Variants in GALNT2 observed in about 807,000 individuals in gnomAD.
The protein encoded by GALNT2 is polypeptide N-acetylgalactosaminyltransferase 2, also known as UDP-GalNAc:polypeptide N-acetylgalactosaminyltransferase 2.
Under a neutral mutation model 81.4 loss-of-function variants are expected in GALNT2, and 31 were observed. The ratio of observed to expected loss-of-function variants is 0.38; its 90% CI spans 0.29 to 0.51. The LOEUF (loss-of-function observed/expected upper bound fraction) is 0.51, where lower values mean the gene tolerates loss of function less well. Among genes scored for constraint, GALNT2 ranks in the 20% least tolerant of loss-of-function variants. The pLI is 0.87. For missense variants in GALNT2, 629 were observed against 765.7 expected, an observed-to-expected ratio of 0.82 and a Z score of 2.11; for synonymous variants, 303 against 287.4, an observed-to-expected ratio of 1.05 and a Z score of -0.55.
intron 2 of GALNT2, among the ~76,000 whole-genome samples, chr1:230,182,076 A>T (rs1034587762): frequency 6.6e-6 from 1 of 152,138 alleles, no homozygotes; most frequent in African/African-American, 2.4e-5. Flanking sequence ...TGGGATCTGT[A>T]GTTATATCCC....
intron 1 of GALNT2, among the ~76,000 whole-genome samples, chr1:230,080,607 T>C (rs1396669398): frequency 6.6e-6 from 1 of 152,130 alleles, no homozygotes; most frequent in Non-Finnish European, 1.5e-5. Flanking sequence ...ATGGGAGCTC[T>C]TGGTGGACAG....
intron 1 of GALNT2, among the ~76,000 whole-genome samples, chr1:230,126,848 C>T (rs112430052): frequency 6.6e-6 from 1 of 152,158 alleles, no homozygotes; most frequent in African/African-American, 2.4e-5. Flanking sequence ...CTGCACCCAG[C>T]GCAGGTTCAG....
At position 230,275,391 on chromosome 1, in the gene GALNT2, C is replaced by T. The variant is rs144710759; in HGVS notation, c.1560+827C>T. ...CATCTATAAACACCACATGTATACA[C>T]GCCACATATATACATATGTAAACAC... On this transcript the variant is annotated intron_variant, in intron 15 of 15. Transcript: ENST00000366672. The surrounding 1 kb of genome is among the most constrained non-coding windows in gnomAD (Gnocchi z 5.5). Among the ~76,000 whole-genome samples the T allele has an allele frequency of 5.1e-4, 76 of 150,366 alleles. No individual in the cohort carries two copies. The East Asian group carries it at 0.01, about 20-fold the overall frequency.
At chr1:230,229,005 A>C (rs1664795946) in intron 3 of GALNT2, among the ~76,000 whole-genome samples, 1 of 152,238 alleles carries the variant, frequency 6.6e-6, no homozygotes, top group African/African-American at 2.4e-5. Context: ...TAACCTGTTA[A>C]AAGCATTTGT....
chr1:230,194,205 G>A (rs951105506), intron 2 of GALNT2, among the ~76,000 whole-genome samples: 16 of 152,204 alleles, frequency 1.1e-4, no homozygotes, highest in Non-Finnish European at 1.5e-4. Context: ...GAGGCATGCC[G>A]ACTAAGTCAA....
At chr1:230,277,690 TGTG>T (rs1269507135) in intron 15 of GALNT2, among the ~76,000 whole-genome samples, 2 of 152,176 alleles carry the variant, frequency 1.3e-5, no homozygotes, top group Non-Finnish European at 2.9e-5. Context: ...ACAACATCCT[TGTG>T]GTGTTTCGCG....
chr1:230,193,587 C>T lies in GALNT2; in HGVS notation c.221-9550C>T, dbSNP rs1663596578. Among the ~76,000 whole-genome samples the T allele has an allele frequency of 6.7e-6, 1 of 148,476 alleles. No homozygotes were observed. Among genetic ancestry groups the T allele is most frequent in the Non-Finnish European group, 1.5e-5 (1 of 67,044 alleles). On this transcript the variant is annotated intron_variant, in intron 2 of 15. Coordinates refer to ENST00000366672, the MANE Select transcript of GALNT2 (RefSeq NM_004481.5). The surrounding 1 kb of genome is among the most constrained non-coding windows in gnomAD (Gnocchi z 4.3). Reference sequence around the variant, plus strand: ...GGTCAGTTTTATAGGTTTCTGTCATCTTTTTTTTTTCAAATATAAGGTTTA... The same window carrying T: ...GGTCAGTTTTATAGGTTTCTGTCATTTTTTTTTTTTCAAATATAAGGTTTA...
intron 2 of GALNT2, among the ~76,000 whole-genome samples, chr1:230,191,447 T>C (rs1663521334): frequency 6.6e-6 from 1 of 152,210 alleles, no homozygotes; most frequent in South Asian, 2.1e-4. Flanking sequence ...GGCTGAAGAC[T>C]TTTTTTCTCT....
chr1:230,104,543 C>T (rs1363632243), intron 1 of GALNT2, among the ~76,000 whole-genome samples: 1 of 152,136 alleles, frequency 6.6e-6, no homozygotes, highest in Non-Finnish European at 1.5e-5. Flanking sequence ...GGGGGAAATG[C>T]GGGAGGAGGG....
intron 3 of GALNT2, among the ~76,000 whole-genome samples, chr1:230,212,796 C>T (rs1664272545): frequency 6.6e-6 from 1 of 152,198 alleles, no homozygotes; most frequent in African/African-American, 2.4e-5. Flanking sequence ...ATAAAACCAA[C>T]TTCTGGTTTC....
At chr1:230,116,046 T>C (rs991720447) in intron 1 of GALNT2, among the ~76,000 whole-genome samples, 3 of 152,210 alleles carry the variant, frequency 2.0e-5, no homozygotes, top group South Asian at 2.1e-4. Context: ...CTCAAAGTCA[T>C]CCATGAAGGT....
intron 1 of GALNT2, among the ~76,000 whole-genome samples, chr1:230,075,121 C>CTTT (rs34482749): frequency 0.1 from 9,213 of 92,516 alleles, 1,035 homozygotes; most frequent in Non-Finnish European, 0.12. Flanking sequence ...GTCTGTTTTG[C>CTTT]TTTTTTTTTT....
intron 1 of GALNT2, among the ~76,000 whole-genome samples, chr1:230,071,933 G>A (rs548639062): frequency 6.6e-6 from 1 of 152,328 alleles, no homozygotes; most frequent in East Asian, 1.9e-4. Context: ...CTCTTCCCTA[G>A]ACCCTTGAGC....
intron 2 of GALNT2, among the ~76,000 whole-genome samples, chr1:230,199,162 A>G (rs1283830688): frequency 6.6e-6 from 1 of 152,174 alleles, no homozygotes; most frequent in Non-Finnish European, 1.5e-5. Flanking sequence ...TATGGATGAC[A>G]TGTCATATTT....
At chr1:230,166,325 C>T (rs1454332204) in intron 1 of GALNT2, among the ~76,000 whole-genome samples, 1 of 152,222 alleles carries the variant, frequency 6.6e-6, no homozygotes, top group Non-Finnish European at 1.5e-5. Flanking sequence ...GGCACTCCTC[C>T]CCGCAGCGTC....
chr1:230,082,041 G>A (rs75291324), intron 1 of GALNT2, among the ~76,000 whole-genome samples: 10,840 of 152,234 alleles, frequency 0.071, 473 homozygotes, highest in Admixed American at 0.11. Flanking sequence ...GACCCAGGAC[G>A]GGTCTTGCTT....
At chr1:230,181,442 C>G (rs1322709763) in intron 2 of GALNT2, among the ~76,000 whole-genome samples, 1 of 152,056 alleles carries the variant, frequency 6.6e-6, no homozygotes, top group Non-Finnish European at 1.5e-5. Flanking sequence ...GGCATAAATC[C>G]TACTTGATCA....
intron 1 of GALNT2, among the ~76,000 whole-genome samples, chr1:230,119,827 T>C (rs1660959171): frequency 6.6e-6 from 1 of 152,200 alleles, no homozygotes; most frequent in Non-Finnish European, 1.5e-5. Context: ...GTTATTATTA[T>C]TAGGGTTCAC....
At chr1:230,073,046 A>T (rs1006429877) in intron 1 of GALNT2, among the ~76,000 whole-genome samples, 4 of 152,150 alleles carry the variant, frequency 2.6e-5, no homozygotes, top group Non-Finnish European at 4.4e-5. Context: ...CTTATGGGTG[A>T]GGTGTTTTTA....
Sources: allele counts gnomAD v4.1 joint callset (sites outside exome capture counted in the v4.1 genomes callset), GRCh38; gene constraint gnomAD v4.1.1; non-coding constraint Gnocchi (gnomAD v3.1); transcripts MANE v1.5; gene names NCBI Gene and HGNC (gene_info 2026-07-23, HGNC 2026-07-21).